Variants in BMP2K observed in about 807,000 individuals in gnomAD.
BMP2K encodes the protein BMP2 inducible kinase, also known as BMP-2-inducible protein kinase.
Under a neutral mutation model 116.0 loss-of-function variants are expected in BMP2K, and 74 were observed. That is an observed-to-expected ratio of 0.64 (90% CI 0.53 to 0.77). The LOEUF is 0.77. Among genes scored for constraint, BMP2K ranks in the 30% least tolerant of loss-of-function variants. BMP2K has a pLI of 0.00. For missense variants in BMP2K, 1,365 were observed against 1,403.6 expected (o/e 0.97, Z 0.44); for synonymous variants, 486 against 502.5 (o/e 0.97, Z 0.44).
intron 7 of BMP2K, among the ~76,000 whole-genome samples, chr4:78,851,784 TGAA>T (rs1184541070): frequency 2.0e-5 from 3 of 152,078 alleles, no homozygotes; most frequent in Admixed American, 1.3e-4. Flanking sequence ...TAAATGTACT[TGAA>T]GAAAATAAGT....
At position 78,911,074 on chromosome 4, in the gene BMP2K, T is replaced by A. The variant is rs1221855749; in HGVS notation, c.2527T>A (p.Ser843Thr). Reference sequence around the variant, plus strand: ...AATACTCCTCACCTCAGCCCAATTATCCTCTGATGTTGCAGTGGAGACTCC... The same window carrying A: ...AATACTCCTCACCTCAGCCCAATTAACCTCTGATGTTGCAGTGGAGACTCC... ...NTILLTSAQL[S>T]SDVAVETPKQ... Residue 843 changes from serine (S) to threonine (T), a missense_variant, in exon 16 of 16, where the codon TCC becomes ACC. By Grantham distance (58) the Ser-to-Thr change is moderately conservative. Transcript: ENST00000502613. 1 of 1,613,966 alleles carries A rather than the reference T, an allele frequency of 6.2e-7. No individual in the cohort carries two copies. The highest frequency in any genetic ancestry group is 1.7e-5 in the Admixed American group (1 of 60,014).
At chr4:78,785,181 G>A (rs1379895409) in intron 1 of BMP2K, among the ~76,000 whole-genome samples, 1 of 152,130 alleles carries the variant, frequency 6.6e-6, no homozygotes, top group East Asian at 1.9e-4. Context: ...TGCAGTTGTG[G>A]TTCACTGCAA....
At chr4:78,811,185 T>C (rs1729071908) in intron 1 of BMP2K, among the ~76,000 whole-genome samples, 1 of 152,204 alleles carries the variant, frequency 6.6e-6, no homozygotes, top group South Asian at 2.1e-4. Flanking sequence ...GCCTGTTAGA[T>C]TGTAGGGATA....
At chr4:78,882,389 A>G (rs754825543) in intron 14 of BMP2K, among the ~76,000 whole-genome samples, 10 of 151,554 alleles carry the variant, frequency 6.6e-5, no homozygotes, top group Non-Finnish European at 3.0e-5. Context: ...TAGTAAGAAC[A>G]AAACATTAAA....
intron 8 of BMP2K, among the ~76,000 whole-genome samples, chr4:78,860,907 G>T (rs964948165): frequency 2.0e-5 from 3 of 150,272 alleles, no homozygotes; most frequent in Non-Finnish European, 3.0e-5. Context: ...TATTTATTGA[G>T]TACCTACAAA....
At chr4:78,894,794 G>A (rs537440422) in intron 15 of BMP2K, among the ~76,000 whole-genome samples, 2 of 152,248 alleles carry the variant, frequency 1.3e-5, no homozygotes, top group African/African-American at 4.8e-5. Flanking sequence ...TCCTCTCTAA[G>A]CTTAGTCATT....
intron 1 of BMP2K, among the ~76,000 whole-genome samples, chr4:78,822,346 GA>G (rs889930296): frequency 6.6e-6 from 1 of 151,968 alleles, no homozygotes; most frequent in Non-Finnish European, 1.5e-5. Context: ...TCCTACCCTT[GA>G]AAAAAGTTGG....
chr4:78,908,518 A>G (rs771377659), intron 15 of BMP2K, among the ~76,000 whole-genome samples: 84 of 152,086 alleles, frequency 5.5e-4, no homozygotes, highest in Admixed American at 1.4e-3. Flanking sequence ...CTTTTCTTCT[A>G]TGTTTTCTTC....
chr4:78,879,627 T>TTGTG (rs36091562), intron 14 of BMP2K: 2,010 of 163,818 alleles, frequency 0.012, 35 homozygotes, highest in African/African-American at 0.046. Flanking sequence ...TTCTGAGGCT[T>TTGTG]TGTGTGTGTG....
chr4:78,834,848 G>A (rs1730391833), intron 3 of BMP2K, among the ~76,000 whole-genome samples: 1 of 152,132 alleles, frequency 6.6e-6, no homozygotes, highest in African/African-American at 2.4e-5. Context: ...AATACCTACC[G>A]TGATGTATTT....
chr4:78,870,654 G>T, intron 10 of BMP2K, 129 bp from the exon 11 acceptor site: 1 of 1,267,174 alleles, frequency 7.9e-7, no homozygotes, highest in Non-Finnish European at 1.1e-6. Context: ...TATGCATATG[G>T]AAGTTTTTGT....
At chr4:78,847,127 A>G (rs1731040038) in intron 5 of BMP2K, 61 bp from the exon 6 acceptor site, 5 of 939,694 alleles carry the variant, frequency 5.3e-6, no homozygotes, top group Non-Finnish European at 7.2e-6. Flanking sequence ...ACAATGTATT[A>G]TCTGTCTTTT....
At chr4:78,878,338 TATG>T in intron 13 of BMP2K, among the ~76,000 whole-genome samples, 1 of 152,342 alleles carries the variant, frequency 6.6e-6, no homozygotes, top group South Asian at 2.1e-4. Context: ...TCTTGTTTAC[TATG>T]ATAATAACAG....
At chr4:78,882,503 CT>C (rs1360061634) in intron 14 of BMP2K, among the ~76,000 whole-genome samples, 3 of 151,518 alleles carry the variant, frequency 2.0e-5, no homozygotes, top group African/African-American at 7.3e-5. Flanking sequence ...AGTATGTAAA[CT>C]TTAGCAATTT....
At chr4:78,835,804 C>T (rs568899495) in intron 3 of BMP2K, among the ~76,000 whole-genome samples, 1 of 151,912 alleles carries the variant, frequency 6.6e-6, no homozygotes, top group African/African-American at 2.4e-5. Flanking sequence ...TTAGTGATTT[C>T]TTAAGGGTAC....
chr4:78,799,729 G>A (rs866657562), intron 1 of BMP2K, among the ~76,000 whole-genome samples: 6 of 152,182 alleles, frequency 3.9e-5, no homozygotes, highest in Admixed American at 2.0e-4. Flanking sequence ...ATGTGCTATG[G>A]TTACAGTGAT....
At position 78,844,922 on chromosome 4, in the gene BMP2K, C is replaced by T. The variant is rs747631344; in HGVS notation, c.547-6C>T. ...TACTACTCATTATTGATTTTCTTTT[C>T]TTAAGGTAGAAAATATTTTGTTGAA... On this transcript the variant is annotated splice_polypyrimidine_tract_variant and splice_region_variant and intron_variant, in intron 4 of 15. Coordinates refer to ENST00000502613, the MANE Select transcript of BMP2K (RefSeq NM_198892.2). 1 of 1,588,446 alleles carries T rather than the reference C, an allele frequency of 6.3e-7. No homozygotes were observed. Among genetic ancestry groups the T allele is most frequent in the Non-Finnish European group, 8.6e-7 (1 of 1,161,000 alleles).
intron 1 of BMP2K, among the ~76,000 whole-genome samples, chr4:78,778,315 T>G (rs917121841): frequency 3.3e-5 from 5 of 152,172 alleles, no homozygotes; most frequent in African/African-American, 4.8e-5. Context: ...CAAGCCATTT[T>G]CAATAAAAAA....
At chr4:78,815,971 T>G (rs1729326073) in intron 1 of BMP2K, among the ~76,000 whole-genome samples, 1 of 152,204 alleles carries the variant, frequency 6.6e-6, no homozygotes. Context: ...AACAAACATG[T>G]TTTACAGTTG....
Sources: allele counts gnomAD v4.1 joint callset (sites outside exome capture counted in the v4.1 genomes callset), GRCh38; gene constraint gnomAD v4.1.1; transcripts MANE v1.5; gene names NCBI Gene and HGNC (gene_info 2026-07-23, HGNC 2026-07-21).